CIT: variants seen among roughly 807,000 people sequenced by gnomAD.
CIT encodes citron rho-interacting serine/threonine kinase, also known as citron Rho-interacting kinase.
Under a neutral mutation model 272.7 loss-of-function variants are expected in CIT, and 79 were observed. That is an observed-to-expected ratio of 0.29 (90% CI 0.24 to 0.35). CIT has a LOEUF of 0.35. CIT is among the 10% of genes least tolerant of loss of function. The pLI is 1.00. For missense variants in CIT, 1,909 were observed against 2,618.3 expected (o/e 0.73, Z 5.91); for synonymous variants, 948 against 995.6 (o/e 0.95, Z 0.90).
chr12:119,809,965 C>T (rs750329731), intron 9 of CIT, among the ~76,000 whole-genome samples: 2 of 152,206 alleles, frequency 1.3e-5, no homozygotes, highest in Non-Finnish European at 2.9e-5. Context: ...CGTGGAAGCT[C>T]GCAACCCTTC....
rs149713019 is a variant in CIT, at chr12:119,685,985, G to C, written c.*2247C>G. On this transcript the variant is annotated 3_prime_UTR_variant, in exon 48 of 48. Coordinates refer to ENST00000392521, the MANE Select transcript of CIT (RefSeq NM_001206999.2). ...GCTTTTGACAGCAATTTCGTGTTAC[G>C]GTATATCCTGCTGGCATCTTGGTGG... The C allele has an allele frequency of 6.6e-6, 1 of 152,336 alleles. No homozygotes were observed. The highest frequency in any genetic ancestry group is 2.4e-5 in the African/African-American group (1 of 41,334). 9.4% of individuals were successfully genotyped at this position (152,336 alleles called of 1,614,324 possible).
At chr12:119,742,788 C>T (rs748372152) in intron 23 of CIT, 10 of 221,706 alleles carry the variant, frequency 4.5e-5, no homozygotes, top group Non-Finnish European at 6.3e-5. Flanking sequence ...TACTCTCCTT[C>T]ATTTGTCCTA....
In CIT at chr12:119,869,041, A is replaced by G; in HGVS notation, c.238+19T>C. On this transcript the variant is annotated intron_variant, in intron 3 of 47. Transcript: ENST00000392521. ...TTCTCTCTCAGGACAGTTTTCAAGA[A>G]AAAGTTCCCCAAACTTACACTTCCG... The G allele has an allele frequency of 6.2e-7, 1 of 1,609,162 alleles. No individual in the cohort carries two copies. Among genetic ancestry groups the G allele is most frequent in the Non-Finnish European group, 8.5e-7 (1 of 1,179,086 alleles).
At position 119,712,682 on chromosome 12, in the gene CIT, C is replaced by A. The variant is rs1485915487; in HGVS notation, c.4593G>T (p.Pro1531=). ...DNEAREAGQR[P]VEEFELCLPD... ...GAAGGCACAGCTCAAATTCTTCCAC[C>A]GGCCTCTGTCCAGCTTGGTGCAAAG... The change falls in exon 36 of 48, where the codon CCG becomes CCT. Residue 1531 remains proline (P), a synonymous_variant. Transcript: ENST00000392521. The surrounding 1 kb of genome is among the most constrained non-coding windows in gnomAD (Gnocchi z 5.2). 6.2e-7 allele frequency: 1 copy of A among 1,613,880 alleles called. No individual in the cohort carries two copies. The highest frequency in any genetic ancestry group is 8.5e-7 in the Non-Finnish European group (1 of 1,179,944).
rs1264025533 is a variant in CIT, at chr12:119,758,712, G to A, written c.2422-12C>T. On this transcript the variant is annotated splice_polypyrimidine_tract_variant and intron_variant, in intron 20 of 47. Transcript: ENST00000392521. ...ATAGCATTGATCATCTGAAACACAG[G>A]GCACCTATGAAACTTCACACACCAG... 5 of 1,559,118 alleles carry A rather than the reference G, an allele frequency of 3.2e-6. No homozygotes were observed. The highest frequency in any genetic ancestry group is 2.2e-5 in the South Asian group (2 of 89,904).
intron 2 of CIT, among the ~76,000 whole-genome samples, chr12:119,869,803 CAAAAA>C (rs1267400462): frequency 4.1e-4 from 63 of 152,024 alleles, no homozygotes; most frequent in Admixed American, 4.1e-3. Context: ...AGATTCCATA[CAAAAA>C]AATAAAAATG....
chr12:119,827,584 C>A (rs778663056), intron 7 of CIT, among the ~76,000 whole-genome samples: 4 of 152,096 alleles, frequency 2.6e-5, no homozygotes, highest in Non-Finnish European at 5.9e-5. Context: ...ACTACAGGTG[C>A]ATGCCACCAC....
intron 5 of CIT, among the ~76,000 whole-genome samples, chr12:119,846,435 A>G (rs1969808940): frequency 1.3e-5 from 2 of 152,232 alleles, no homozygotes; most frequent in Non-Finnish European, 2.9e-5. Flanking sequence ...GAGAAAAGAA[A>G]TATGAGTTTA....
intron 12 of CIT, 111 bp downstream of exon 12, chr12:119,783,794 TCTA>T: frequency 7.5e-7 from 1 of 1,326,880 alleles, no homozygotes; most frequent in Non-Finnish European, 1.0e-6. Context: ...TCTCCCTCTC[TCTA>T]CTCTCTGCCA....
chr12:119,789,097 A>G (rs1965072251), intron 10 of CIT, among the ~76,000 whole-genome samples: 1 of 152,192 alleles, frequency 6.6e-6, no homozygotes, highest in South Asian at 2.1e-4. Context: ...TTTAAAAAAC[A>G]CCTGATGTAT....
intron 7 of CIT, among the ~76,000 whole-genome samples, chr12:119,827,113 T>C (rs571447278): frequency 2.6e-5 from 4 of 152,252 alleles, no homozygotes; most frequent in South Asian, 2.1e-4. Context: ...ATTCCTGACA[T>C]GGATTGTCCA....
chr12:119,724,537 G>A (rs1489101685), intron 28 of CIT, among the ~76,000 whole-genome samples: 3 of 152,186 alleles, frequency 2.0e-5, no homozygotes, highest in Non-Finnish European at 4.4e-5. Context: ...TACCTATGAG[G>A]AGCGTTGGGG....
At chr12:119,707,164 C>A (rs1413892135) in intron 40 of CIT, among the ~76,000 whole-genome samples, 3 of 152,162 alleles carry the variant, frequency 2.0e-5, no homozygotes, top group Non-Finnish European at 4.4e-5. Context: ...GTTCATCTCT[C>A]TCTCACAGAC....
intron 40 of CIT, among the ~76,000 whole-genome samples, chr12:119,707,503 C>A (rs1431270559): frequency 6.6e-6 from 1 of 151,640 alleles, no homozygotes; most frequent in Non-Finnish European, 1.5e-5. Flanking sequence ...TCGACGAAAA[C>A]CACAAAGGCC....
Position 119,875,328 on chromosome 12 carries a change from GAATA to G in CIT, c.96+741_96+744del, listed in dbSNP as rs1203073187. ...GCAAGCAACCAATCAATCAATGAAT[GAATA>G]AACTTTAGTACAGAAGTGTAAAGTG... On this transcript the variant is annotated intron_variant, in intron 2 of 47. Transcript: ENST00000392521. Among the ~76,000 whole-genome samples the G allele has an allele frequency of 3.3e-5, 5 of 152,296 alleles. No homozygotes were observed. In the East Asian group the frequency reaches 7.7e-4, roughly 24 times the overall value.
At chr12:119,862,831 AAAAAAAAAAGAAAAAACC>A (rs1566141793) in intron 3 of CIT, among the ~76,000 whole-genome samples, 13 of 137,896 alleles carry the variant, frequency 9.4e-5, no homozygotes, top group African/African-American at 3.8e-4. Flanking sequence ...AAAAAAAAAA[AAAAAAAAAAGAAAAAACC>A]AAAAAAAAAA....
rs1371528968 is a variant in CIT, at chr12:119,772,914, G to A, written c.1942-4C>T. 6.2e-7 allele frequency: 1 copy of A among 1,610,186 alleles called. No individual in the cohort carries two copies. Among genetic ancestry groups the A allele is most frequent in the Admixed American group, 1.7e-5 (1 of 59,204 alleles). ...CCTCCGTGCTGGCTTTTACAGCCTA[G>A]GAAGAGAGAAGGAAAAGGAGATAGG... On this transcript the variant is annotated splice_region_variant and splice_polypyrimidine_tract_variant and intron_variant, in intron 16 of 47. Coordinates refer to ENST00000392521, the MANE Select transcript of CIT (RefSeq NM_001206999.2).
chr12:119,817,394 C>T (rs1408110440), intron 9 of CIT, among the ~76,000 whole-genome samples: 1 of 152,102 alleles, frequency 6.6e-6, no homozygotes, highest in Admixed American at 6.5e-5. Context: ...CACCTGTAGT[C>T]CCAGCTACTC....
chr12:119,778,610 A>T (rs1470498998), intron 13 of CIT, among the ~76,000 whole-genome samples: 1 of 152,160 alleles, frequency 6.6e-6, no homozygotes, highest in African/African-American at 2.4e-5. Context: ...CAGGGTATAA[A>T]GGAAACCTTT....
Sources: gnomAD v4.1 joint callset for allele counts (sites outside exome capture counted in the v4.1 genomes callset) on GRCh38, gnomAD v4.1.1 for gene constraint, Gnocchi (gnomAD v3.1) non-coding constraint, MANE v1.5 for transcripts, NCBI Gene and HGNC (gene_info 2026-07-23, HGNC 2026-07-21) for gene names.